Variants in PARD3B observed in about 807,000 individuals in gnomAD.
PARD3B encodes par-3 family cell polarity regulator beta, also known as partitioning defective 3 homolog B.
A neutral mutation model predicts 130.2 loss-of-function variants in PARD3B; 103 were observed. The observed-to-expected ratio is 0.79, with a 90% CI of 0.67 to 0.93. The LOEUF is 0.93. Among genes scored for constraint, PARD3B ranks in the 40% least tolerant of loss-of-function variants. The probability of loss-of-function intolerance (pLI) is 0.00; values close to 1 mark genes in which losing one functional copy is unlikely to be tolerated. For missense variants in PARD3B, 1,609 were observed against 1,499.2 expected (o/e 1.07, Z -1.21); for synonymous variants, 583 against 553.2 (o/e 1.05, Z -0.76).
At chr2:205,169,497 TAC>T in intron 11 of PARD3B, among the ~76,000 whole-genome samples, 1 of 152,360 alleles carries the variant, frequency 6.6e-6, no homozygotes, top group East Asian at 1.9e-4. Context: ...GTCTGTTATC[TAC>T]CTCTTCACTC....
At chr2:205,273,763 A>T (rs1021357981) in intron 16 of PARD3B, among the ~76,000 whole-genome samples, 1 of 152,184 alleles carries the variant, frequency 6.6e-6, no homozygotes, top group Non-Finnish European at 1.5e-5. Flanking sequence ...TGTGCTGTGT[A>T]TCATGCTGAC....
intron 1 of PARD3B, among the ~76,000 whole-genome samples, chr2:204,549,478 A>G (rs1024972591): frequency 2.0e-5 from 3 of 152,212 alleles, no homozygotes; most frequent in African/African-American, 7.2e-5. Flanking sequence ...ACCCTGGCTG[A>G]ACTTCAGTAA....
rs71427777 is a variant in PARD3B, at chr2:205,253,698, T to G, written c.2185+7876T>G. Among the ~76,000 whole-genome samples, 4,165 of 151,664 alleles carry G rather than the reference T, an allele frequency of 0.027. 92 individuals carry two copies. The highest frequency in any genetic ancestry group is 0.075 in the Middle Eastern group (22 of 294). On this transcript the variant is annotated intron_variant, in intron 16 of 22. Transcript: ENST00000406610. The surrounding 1 kb of genome is among the most constrained non-coding windows in gnomAD (Gnocchi z 4.4). ...AGTAGAAGGCAAGGATGATTGGGAG[T>G]AGAAGGAAGAGTGACAGGCTAGCAT... is the stretch of plus-strand genomic sequence containing the variant.
At chr2:205,217,404 G>A (rs1210133231) in intron 15 of PARD3B, among the ~76,000 whole-genome samples, 2 of 152,188 alleles carry the variant, frequency 1.3e-5, no homozygotes, top group Admixed American at 1.3e-4. Flanking sequence ...AATGATAAGA[G>A]AGCAATGTCC....
intron 18 of PARD3B, among the ~76,000 whole-genome samples, chr2:205,393,767 C>T (rs139608705): frequency 6.6e-6 from 1 of 152,144 alleles, no homozygotes; most frequent in East Asian, 1.9e-4. Flanking sequence ...AATGTAGCCA[C>T]CTTAAGAAGT....
At position 204,545,939 on chromosome 2, in the gene PARD3B, G is replaced by T; in HGVS notation, c.-61G>T. On this transcript the variant is annotated 5_prime_UTR_variant, in exon 1 of 23. Transcript: ENST00000406610. ...CCCCGGGCGTCCTCCGAGAGTGGGG[G>T]CTGCGCCCGCGGGGTCAGACACCTG... 1.4e-6 allele frequency: 2 copies of T among 1,465,850 alleles called. No individual in the cohort carries two copies. Among genetic ancestry groups the T allele is most frequent in the Non-Finnish European group, 1.8e-6 (2 of 1,110,360 alleles). The allele number at this position is 1,465,850 out of a possible 1,614,324, so 90.8% of individuals were successfully genotyped here.
In PARD3B at chr2:205,113,565, C is replaced by T. The variant is rs761221750; in HGVS notation, c.668C>T (p.Ser223Phe). 9 of 1,611,092 alleles carry T rather than the reference C, an allele frequency of 5.6e-6. No homozygotes were observed. Among genetic ancestry groups the T allele is most frequent in the Non-Finnish European group, 6.8e-6 (8 of 1,177,904 alleles). ...ATACATGTAGTGCCCTTCTTTTCAT[C>T]TCTGAGTGGAAGGTAAGATGTTTTT... The part of the protein sequence containing the change: ...LGIHVVPFFS[S>F]LSGRILGLFI... The change falls in exon 6 of 23, where the codon TCT becomes TTT. Residue 223 changes from serine to phenylalanine, a missense_variant. Physicochemically the swap from Ser to Phe is radical, Grantham distance 155. Transcript: ENST00000406610.
Position 204,879,759 on chromosome 2 carries a change from G to A in PARD3B, c.223-85393G>A, listed in dbSNP as rs538480751. On this transcript the variant is annotated intron_variant, in intron 2 of 22. Coordinates refer to ENST00000406610, the MANE Select transcript of PARD3B (RefSeq NM_001302769.2). ...TTGGGGAATTGAATGTTTGGTTGGA[G>A]GCGGTTTGGCCTGTATTCTTACTTT... is the stretch of plus-strand genomic sequence containing the variant. 2.6e-5 allele frequency among the ~76,000 whole-genome samples: 4 copies of A among 152,302 alleles called. No homozygotes were observed. The East Asian group carries it at 7.7e-4, about 29-fold the overall frequency.
At chr2:205,220,355 T>G (rs952954134) in intron 15 of PARD3B, among the ~76,000 whole-genome samples, 20 of 152,124 alleles carry the variant, frequency 1.3e-4, no homozygotes, top group Admixed American at 7.9e-4. Flanking sequence ...GATCTTAGGG[T>G]TCCTCATTTT....
chr2:204,998,679 G>T (rs974822837), intron 3 of PARD3B, among the ~76,000 whole-genome samples: 2 of 151,584 alleles, frequency 1.3e-5, no homozygotes, highest in African/African-American at 4.9e-5. Context: ...CCACTGAGGT[G>T]GTTAAATGTT....
Position 205,458,864 on chromosome 2 carries a change from A to T in PARD3B, c.3044+18192A>T, listed in dbSNP as rs1048474772. 6.6e-6 allele frequency among the ~76,000 whole-genome samples: 1 copy of T among 152,154 alleles called. No individual in the cohort carries two copies. The highest frequency in any genetic ancestry group is 1.5e-5 in the Non-Finnish European group (1 of 68,024). On this transcript the variant is annotated intron_variant, in intron 20 of 22. Coordinates refer to ENST00000406610, the MANE Select transcript of PARD3B (RefSeq NM_001302769.2). This position sits in a 1 kb window ranked among gnomAD's most constrained non-coding sequence, Gnocchi z 4.8. ...GATGTATTTAATAATATGTCCCATT[A>T]AGGGACACATTGCCTTAATGCAGTC... is the stretch of plus-strand genomic sequence containing the variant.
chr2:205,416,240 G>C (rs1483512723), intron 19 of PARD3B, among the ~76,000 whole-genome samples: 1 of 152,048 alleles, frequency 6.6e-6, no homozygotes, highest in Non-Finnish European at 1.5e-5. Flanking sequence ...GTGTGTCTTT[G>C]TGTGTGATAT....
intron 18 of PARD3B, among the ~76,000 whole-genome samples, chr2:205,338,152 C>CAA (rs1159561152): frequency 0.054 from 1,104 of 20,420 alleles, 165 homozygotes; most frequent in African/African-American, 0.13. Flanking sequence ...GACTCCATCT[C>CAA]AAAAAAAAAA....
intron 16 of PARD3B, among the ~76,000 whole-genome samples, chr2:205,289,642 G>A (rs746131560): frequency 1.8e-4 from 28 of 152,188 alleles, no homozygotes; most frequent in Non-Finnish European, 3.2e-4. Context: ...GTGCAGCAGC[G>A]TGGAGATAGG....
intron 16 of PARD3B, among the ~76,000 whole-genome samples, chr2:205,250,476 A>C (rs903939003): frequency 6.6e-6 from 1 of 152,200 alleles, no homozygotes; most frequent in Non-Finnish European, 1.5e-5. Flanking sequence ...GTGTGAAAGT[A>C]ATGGTTGGCA....
chr2:205,206,835 A>G (rs1057030104), intron 15 of PARD3B, among the ~76,000 whole-genome samples: 8 of 151,548 alleles, frequency 5.3e-5, no homozygotes, highest in Admixed American at 3.9e-4. Context: ...AAGGATACCC[A>G]GGAATTGAAC....
In PARD3B at chr2:205,343,095, T is replaced by C. The variant is rs189372939; in HGVS notation, c.2630+41394T>C. Reference sequence around the variant, plus strand: ...CTAAATCTTGTATGTCTCAAGTCTGTTTATAATAAATATCCTCATTATGAC... The same window carrying C: ...CTAAATCTTGTATGTCTCAAGTCTGCTTATAATAAATATCCTCATTATGAC... On this transcript the variant is annotated intron_variant, in intron 18 of 22. Transcript: ENST00000406610. Among the ~76,000 whole-genome samples the C allele has an allele frequency of 7.2e-5, 11 of 152,306 alleles. No homozygotes were observed. The East Asian group carries it at 2.1e-3, about 29-fold the overall frequency.
At chr2:204,854,355 G>A (rs968622308) in intron 2 of PARD3B, among the ~76,000 whole-genome samples, 4 of 152,150 alleles carry the variant, frequency 2.6e-5, no homozygotes, top group African/African-American at 9.7e-5. Context: ...GGCATTCCAT[G>A]CTAAAAGTAT....
At chr2:205,062,221 A>G (rs1169790920) in intron 4 of PARD3B, among the ~76,000 whole-genome samples, 1 of 152,094 alleles carries the variant, frequency 6.6e-6, no homozygotes, top group African/African-American at 2.4e-5. Context: ...ATTTTATGTA[A>G]TATTTTTAAA....
Sources: gnomAD v4.1 joint callset for allele counts (sites outside exome capture counted in the v4.1 genomes callset) on GRCh38, gnomAD v4.1.1 for gene constraint, Gnocchi (gnomAD v3.1) non-coding constraint, MANE v1.5 for transcripts, NCBI Gene and HGNC (gene_info 2026-07-23, HGNC 2026-07-21) for gene names.